The following CSMD1 variants were observed in gnomAD, a reference collection of about 807,000 sequenced individuals.
CSMD1 encodes the protein CUB and Sushi multiple domains 1.
In CSMD1, 213 loss-of-function variants were observed where a neutral mutation model predicts 417.5. That is an observed-to-expected ratio of 0.51 (90% CI 0.46 to 0.57). The LOEUF (loss-of-function observed/expected upper bound fraction) is 0.57, where lower values mean the gene tolerates loss of function less well. Ranked by LOEUF, CSMD1 falls within the 20% of genes least tolerant of loss-of-function variation. The pLI is 0.00. For synonymous variants in CSMD1, 2,862 were observed against 1,736.8 expected (o/e 1.65, Z -16.11); for missense variants, 6,923 against 4,529.7 (o/e 1.53, Z -15.17).
intron 3 of CSMD1, among the ~76,000 whole-genome samples, chr8:4,048,515 G>C (rs1798263815): frequency 6.6e-6 from 1 of 152,142 alleles, no homozygotes; most frequent in Non-Finnish European, 1.5e-5. Flanking sequence ...GAAAAGTTAA[G>C]GAACATCCCT....
intron 1 of CSMD1, among the ~76,000 whole-genome samples, chr8:4,963,305 A>G (rs1390397107): frequency 2.6e-5 from 4 of 152,106 alleles, no homozygotes; most frequent in East Asian, 1.9e-4. Flanking sequence ...GGTTCAAGCA[A>G]TCATGTGCCT....
chr8:3,356,923 G>A (rs949221285), intron 21 of CSMD1, among the ~76,000 whole-genome samples: 6 of 152,084 alleles, frequency 3.9e-5, no homozygotes, highest in South Asian at 2.1e-4. Context: ...CTGTTACACT[G>A]GGCAAATCGA....
At chr8:4,593,103 C>T (rs1226625627) in intron 2 of CSMD1, among the ~76,000 whole-genome samples, 2 of 152,154 alleles carry the variant, frequency 1.3e-5, no homozygotes, top group African/African-American at 2.4e-5. Flanking sequence ...CGGGCCATTT[C>T]TTGGTCTCAT....
At chr8:4,139,711 AGCCCCGAGTGAT>A (rs754086283) in intron 3 of CSMD1, among the ~76,000 whole-genome samples, 2 of 151,106 alleles carry the variant, frequency 1.3e-5, no homozygotes, top group Non-Finnish European at 2.9e-5. Flanking sequence ...TTTGGTGGGA[AGCCCCGAGTGAT>A]GCTTGAGTAG....
chr8:4,861,240 T>C (rs190000846), intron 1 of CSMD1, among the ~76,000 whole-genome samples: 3 of 152,290 alleles, frequency 2.0e-5, no homozygotes, highest in Non-Finnish European at 4.4e-5. Flanking sequence ...GACAGTAATA[T>C]ATCTCTGCGG....
chr8:4,922,779 C>T (rs1293175740), intron 1 of CSMD1, among the ~76,000 whole-genome samples: 2 of 152,146 alleles, frequency 1.3e-5, no homozygotes, highest in African/African-American at 4.8e-5. Flanking sequence ...CTGAAGGACA[C>T]CAAAGTCACC....
intron 1 of CSMD1, among the ~76,000 whole-genome samples, chr8:4,703,702 A>T (rs2617055): frequency 0.62 from 94,531 of 151,982 alleles, 31,249 homozygotes; most frequent in African/African-American, 0.84. Flanking sequence ...GCGACCTTGA[A>T]TTAAAAGATT....
chr8:4,658,719 A>G (rs1275631943), intron 1 of CSMD1, among the ~76,000 whole-genome samples: 1 of 152,188 alleles, frequency 6.6e-6, no homozygotes, highest in Non-Finnish European at 1.5e-5. Context: ...AAAAGTCACT[A>G]TTCTTATACT....
chr8:3,722,989 C>G (rs1367894490), intron 6 of CSMD1, among the ~76,000 whole-genome samples: 2 of 152,172 alleles, frequency 1.3e-5, no homozygotes, highest in Non-Finnish European at 2.9e-5. Context: ...TATCATTTCC[C>G]AATTCTGCAG....
At chr8:3,244,005 C>T (rs1799716665) in intron 26 of CSMD1, among the ~76,000 whole-genome samples, 1 of 152,112 alleles carries the variant, frequency 6.6e-6, no homozygotes, top group African/African-American at 2.4e-5. Flanking sequence ...TAAAACATCC[C>T]TGCGTACCTC....
chr8:3,653,616 G>A (rs544996384), intron 7 of CSMD1, among the ~76,000 whole-genome samples: 15 of 152,180 alleles, frequency 9.9e-5, no homozygotes, highest in Non-Finnish European at 1.9e-4. Context: ...GCCAGTTATG[G>A]GGATTCTAAA....
chr8:3,076,993 C>T (rs1328684353), intron 49 of CSMD1, among the ~76,000 whole-genome samples: 4 of 150,590 alleles, frequency 2.7e-5, no homozygotes, highest in Non-Finnish European at 4.4e-5. Flanking sequence ...CCCTGCTCAC[C>T]GTCCTTCCTT....
chr8:3,057,677 T>A lies in CSMD1; in HGVS notation c.7475-5030A>T, dbSNP rs575439480. 7.2e-5 allele frequency among the ~76,000 whole-genome samples: 11 copies of A among 152,280 alleles called. No homozygotes were observed. The South Asian group carries it at 2.3e-3, about 32-fold the overall frequency. ...GTTACAGATGCTAACATTTTTTATATCATTTTCCCCAAGTCTAATAGTCAT... is the reference window on the plus strand; with the variant it reads ...GTTACAGATGCTAACATTTTTTATAACATTTTCCCCAAGTCTAATAGTCAT... On this transcript the variant is annotated intron_variant, in intron 49 of 69. Coordinates refer to ENST00000635120, the MANE Select transcript of CSMD1 (RefSeq NM_033225.6).
At chr8:4,471,705 T>G (rs996333365) in intron 2 of CSMD1, among the ~76,000 whole-genome samples, 2 of 151,400 alleles carry the variant, frequency 1.3e-5, no homozygotes, top group Non-Finnish European at 2.9e-5. Flanking sequence ...ACACGACCCA[T>G]CTTCAAAGAA....
chr8:3,966,965 G>C (rs1812717830), intron 5 of CSMD1, among the ~76,000 whole-genome samples: 1 of 152,150 alleles, frequency 6.6e-6, no homozygotes, highest in African/African-American at 2.4e-5. Flanking sequence ...TCTCCATTCT[G>C]TTTTCAGGAG....
At chr8:3,032,114 T>A (rs993887878) in intron 50 of CSMD1, among the ~76,000 whole-genome samples, 4 of 151,876 alleles carry the variant, frequency 2.6e-5, no homozygotes, top group African/African-American at 9.7e-5. Context: ...AAAAGAAAAG[T>A]GAGGACTGCA....
At chr8:3,177,056 G>A (rs1194081264) in intron 37 of CSMD1, among the ~76,000 whole-genome samples, 1 of 152,124 alleles carries the variant, frequency 6.6e-6, no homozygotes, top group Non-Finnish European at 1.5e-5. Flanking sequence ...TGGATTATAA[G>A]CATGAGCAAC....
intron 16 of CSMD1, among the ~76,000 whole-genome samples, chr8:3,397,609 T>C (rs1811782984): frequency 6.6e-6 from 1 of 152,176 alleles, no homozygotes; most frequent in Admixed American, 6.5e-5. Flanking sequence ...ATTCTAAATC[T>C]TTTTCTTAAA....
intron 1 of CSMD1, among the ~76,000 whole-genome samples, chr8:4,722,072 T>C (rs1006675935): frequency 6.6e-5 from 10 of 152,124 alleles, no homozygotes; most frequent in Non-Finnish European, 1.2e-4. Flanking sequence ...GTAGGATGAA[T>C]AAGTCAAGAA....
Sources: gnomAD v4.1 joint callset for allele counts (sites outside exome capture counted in the v4.1 genomes callset) on GRCh38, gnomAD v4.1.1 for gene constraint, MANE v1.5 for transcripts, NCBI Gene and HGNC (gene_info 2026-07-23, HGNC 2026-07-21) for gene names.